LAMB1: variants seen among roughly 807,000 people sequenced by gnomAD.
LAMB1 encodes laminin subunit beta-1.
A neutral mutation model predicts 222.3 loss-of-function variants in LAMB1; 121 were observed. That is an observed-to-expected ratio of 0.54 (90% confidence interval 0.47 to 0.63). The LOEUF (loss-of-function observed/expected upper bound fraction) is 0.63, where lower values mean the gene tolerates loss of function less well. LAMB1 is among the 30% of genes least tolerant of loss of function. The pLI, the probability that LAMB1 is intolerant of heterozygous loss-of-function variation, is 0.00. For synonymous variants in LAMB1, 794 were observed against 807.2 expected (o/e 0.98, Z 0.28); for missense variants, 2,172 against 2,240.8 (o/e 0.97, Z 0.62).
At chr7:107,948,019 G>C (rs1220106460) in intron 24 of LAMB1, among the ~76,000 whole-genome samples, 1 of 118,672 alleles carries the variant, frequency 8.4e-6, no homozygotes, top group African/African-American at 3.3e-5. Flanking sequence ...GTCTTGCTCT[G>C]TCACCCAGGC....
chr7:107,925,131 T>C (rs145453730), intron 32 of LAMB1, among the ~76,000 whole-genome samples: 70 of 152,306 alleles, frequency 4.6e-4, no homozygotes, highest in East Asian at 4.4e-3. Flanking sequence ...TTTTGTTCTC[T>C]TTCCCAACCT....
chr7:107,950,815 C>T (rs2033226519), intron 24 of LAMB1, among the ~76,000 whole-genome samples: 1 of 152,130 alleles, frequency 6.6e-6, no homozygotes, highest in South Asian at 2.1e-4. Flanking sequence ...GGAAGTTGGC[C>T]ACAAAATACT....
rs1321049381 is a variant in LAMB1, at chr7:107,986,003, T to C, written c.676+19A>G. 6.4e-7 allele frequency: 1 copy of C among 1,571,156 alleles called. No individual in the cohort carries two copies. Among genetic ancestry groups the C allele is most frequent in the African/African-American group, 1.4e-5 (1 of 73,818 alleles). On this transcript the variant is annotated intron_variant, in intron 7 of 33. Transcript: ENST00000222399. ...CAAACAAACTAACAAAAAACACTTT[T>C]GTTTGAAAATGAACTTACTCTGTAT...
rs946517228 is a variant in LAMB1 at position 107,952,027 on chromosome 7, G to A, written c.3276C>T (p.Phe1092=). ...DPCNCNAAHS[F]GPSCNEFTGQ... ...CCCTCACCTCATTGCAAGATGGCCC[G>A]AAGGAATGAGCAGCATTGCAGTTGC... is the stretch of plus-strand genomic sequence containing the variant. Residue 1092 remains phenylalanine (F), a synonymous_variant, in exon 23 of 34, where the codon TTC becomes TTT. Coordinates refer to ENST00000222399, the MANE Select transcript of LAMB1 (RefSeq NM_002291.3). 2.1e-5 allele frequency: 34 copies of A among 1,611,726 alleles called. No homozygotes were observed. The highest frequency in any genetic ancestry group is 4.0e-5 in the African/African-American group (3 of 74,878).
intron 5 of LAMB1, among the ~76,000 whole-genome samples, chr7:107,993,749 G>A (rs1202677654): frequency 6.6e-6 from 1 of 152,212 alleles, no homozygotes; most frequent in East Asian, 1.9e-4. Context: ...AGATTGTGTG[G>A]TCAATGAAGG....
chr7:108,002,975 G>A lies in LAMB1; in HGVS notation c.-86-4C>T. 5 of 1,600,146 alleles carry A rather than the reference G, an allele frequency of 3.1e-6. No individual in the cohort carries two copies. The highest frequency in any genetic ancestry group is 2.6e-6 in the Non-Finnish European group (3 of 1,176,026). ...CCCTTTCTTCCCGTCTTCCTTTCTG[G>A]AGAGGTGGAAAGGAGGGGAAAAAAG... On this transcript the variant is annotated splice_region_variant and splice_polypyrimidine_tract_variant and intron_variant, in intron 1 of 33. Transcript: ENST00000222399.
intron 8 of LAMB1, among the ~76,000 whole-genome samples, chr7:107,979,222 G>C (rs1358936488): frequency 6.6e-6 from 1 of 152,208 alleles, no homozygotes; most frequent in African/African-American, 2.4e-5. Context: ...AATAAGATTA[G>C]AGAAATACCT....
At chr7:107,936,468 C>G (rs1158721128) in intron 26 of LAMB1, 1 of 152,232 alleles carries the variant, frequency 6.6e-6, no homozygotes, top group African/African-American at 2.4e-5. Flanking sequence ...ATATAACGGA[C>G]TTGACCACCT....
At chr7:107,990,315 CAG>C (rs1383281174) in intron 5 of LAMB1, among the ~76,000 whole-genome samples, 3 of 152,142 alleles carry the variant, frequency 2.0e-5, no homozygotes, top group African/African-American at 7.2e-5. Flanking sequence ...GTTGGGATTA[CAG>C]GCATGAGCCA....
At position 107,931,498 on chromosome 7, in the gene LAMB1, G is replaced by T; in HGVS notation, c.4395C>A (p.Val1465=). 1.2e-6 allele frequency: 2 copies of T among 1,612,644 alleles called. No homozygotes were observed. Among genetic ancestry groups the T allele is most frequent in the Non-Finnish European group, 8.5e-7 (1 of 1,179,436 alleles). ...LAEVEQLSKM[V]SEAKLRADEA... ...CATCTGCCCTCAGTTTTGCTTCAGA[G>T]ACCTAAATATGAAGAATAAATTACC... The change falls in exon 29 of 34, where the codon GTC becomes GTA. Residue 1465 remains valine, a splice_region_variant and synonymous_variant. Transcript: ENST00000222399.
At chr7:107,936,810 A>G (rs2032858083) in intron 26 of LAMB1, among the ~76,000 whole-genome samples, 1 of 129,238 alleles carries the variant, frequency 7.7e-6, no homozygotes, top group Non-Finnish European at 1.7e-5. Context: ...GGATTAAACT[A>G]CTAACTGGAG....
intron 13 of LAMB1, among the ~76,000 whole-genome samples, chr7:107,964,920 G>A (rs1323840261): frequency 1.3e-5 from 2 of 152,166 alleles, no homozygotes; most frequent in African/African-American, 4.8e-5. Flanking sequence ...GCCCTCTCTT[G>A]ACTAACACGC....
intron 24 of LAMB1, 40 bp downstream of exon 24, chr7:107,951,186 A>G (rs1417140079): frequency 6.7e-7 from 1 of 1,483,302 alleles, no homozygotes; most frequent in Non-Finnish European, 9.4e-7. Flanking sequence ...AGTTCCCTCC[A>G]CTCTCTGATC....
chr7:107,970,673 CT>C (rs1425583727), intron 13 of LAMB1, among the ~76,000 whole-genome samples: 2 of 151,910 alleles, frequency 1.3e-5, no homozygotes, highest in African/African-American at 4.8e-5. Flanking sequence ...AGGTAATCTA[CT>C]AGGCAAAACT....
intron 3 of LAMB1, among the ~76,000 whole-genome samples, chr7:107,999,417 T>TAG (rs2034340926): frequency 6.6e-6 from 1 of 152,178 alleles, no homozygotes; most frequent in Non-Finnish European, 1.5e-5. Flanking sequence ...CTGAAATACA[T>TAG]AGAGACCCAC....
At chr7:107,969,671 T>C (rs1298596336) in intron 13 of LAMB1, among the ~76,000 whole-genome samples, 1 of 152,220 alleles carries the variant, frequency 6.6e-6, no homozygotes, top group African/African-American at 2.4e-5. Context: ...CAAACCTAGA[T>C]GGTATAGCTT....
At chr7:107,969,793 T>G (rs1269794503) in intron 13 of LAMB1, among the ~76,000 whole-genome samples, 1 of 152,214 alleles carries the variant, frequency 6.6e-6, no homozygotes, top group Non-Finnish European at 1.5e-5. Flanking sequence ...CAAGAACTTG[T>G]GTATTCAACC....
rs762839032 is a variant in LAMB1, at chr7:107,961,642, A to T, written c.1892T>A (p.Val631Glu). Residue 631 changes from valine to glutamate, a missense_variant, in exon 16 of 34, where the codon GTG becomes GAG. By Grantham distance (121) the Val-to-Glu change is moderately radical. Coordinates refer to ENST00000222399, the MANE Select transcript of LAMB1 (RefSeq NM_002291.3). ...PDHWEKAVIT[V>E]QRPGRIPTSS... The stretch of plus-strand genomic sequence containing the variant: ...GGTTGGAATCCTTCCAGGTCGCTGC[A>T]CTGTGATGACAGCTTTTTCCCAGTG... The T allele has an allele frequency of 2.7e-5, 43 of 1,613,856 alleles. No homozygotes were observed. The highest frequency in any genetic ancestry group is 3.6e-5 in the Non-Finnish European group (43 of 1,179,876).
intron 27 of LAMB1, 192 bp downstream of exon 27, chr7:107,935,223 T>G (rs1293057530): frequency 5.3e-6 from 4 of 753,310 alleles, no homozygotes; most frequent in Non-Finnish European, 8.4e-6. Context: ...TGCTGCTGCT[T>G]TTAATCTGTC....
Sources: allele counts gnomAD v4.1 joint callset (sites outside exome capture counted in the v4.1 genomes callset), GRCh38; gene constraint gnomAD v4.1.1; transcripts MANE v1.5; gene names NCBI Gene and HGNC (gene_info 2026-07-23, HGNC 2026-07-21).